COL23A1: variants seen among roughly 807,000 people sequenced by gnomAD.
COL23A1 encodes the protein collagen alpha-1(XXIII) chain.
Under a neutral mutation model 99.3 loss-of-function variants are expected in COL23A1, and 97 were observed. That is an observed-to-expected ratio of 0.98 (90% CI 0.83 to 1.16). The LOEUF (loss-of-function observed/expected upper bound fraction) is 1.16. Ranked by LOEUF, COL23A1 falls within the 50% of genes most tolerant of loss-of-function variation. COL23A1 has a pLI of 0.00. For synonymous variants in COL23A1, 320 were observed against 308.2 expected (o/e 1.04, Z -0.40); for missense variants, 762 against 757.4 (o/e 1.01, Z -0.07).
rs571288083 is a variant in COL23A1 at position 178,462,714 on chromosome 5, C to T, written c.361+97968G>A. On this transcript the variant is annotated intron_variant, in intron 2 of 28. Coordinates refer to ENST00000390654, the MANE Select transcript of COL23A1 (RefSeq NM_173465.4). ...ACAAAAACAAAAAAATCAAAACCTT[C>T]CGGGATTTAACAAATTTAACTACAA... is the stretch of plus-strand genomic sequence containing the variant. 9.2e-5 allele frequency among the ~76,000 whole-genome samples: 14 copies of T among 152,296 alleles called. 1 individual carries two copies. The South Asian group carries it at 2.9e-3, about 32-fold the overall frequency.
At chr5:178,540,863 G>T (rs982933580) in intron 2 of COL23A1, among the ~76,000 whole-genome samples, 2 of 152,184 alleles carry the variant, frequency 1.3e-5, no homozygotes, top group Non-Finnish European at 2.9e-5. Flanking sequence ...GGAGGTCCAG[G>T]CTCCAGCGGG....
intron 2 of COL23A1, among the ~76,000 whole-genome samples, chr5:178,482,803 G>A (rs1757411081): frequency 6.6e-6 from 1 of 152,200 alleles, no homozygotes; most frequent in Admixed American, 6.5e-5. Flanking sequence ...TCAGGAGGCT[G>A]AGGCAGGAGA....
At chr5:178,578,341 C>T (rs1224593164) in intron 1 of COL23A1, among the ~76,000 whole-genome samples, 1 of 152,214 alleles carries the variant, frequency 6.6e-6, no homozygotes, top group Non-Finnish European at 1.5e-5. Flanking sequence ...CGCTCACACA[C>T]ACTCGAGTCC....
At chr5:178,351,600 G>T (rs1405290230) in intron 2 of COL23A1, among the ~76,000 whole-genome samples, 2 of 152,192 alleles carry the variant, frequency 1.3e-5, no homozygotes, top group Non-Finnish European at 2.9e-5. Context: ...GAGTGTGGGG[G>T]AGACACGAGG....
At chr5:178,479,780 G>A (rs1038409595) in intron 2 of COL23A1, among the ~76,000 whole-genome samples, 10 of 152,188 alleles carry the variant, frequency 6.6e-5, no homozygotes, top group South Asian at 4.1e-4. Flanking sequence ...TAAGGCGTCC[G>A]AATTTGCTTT....
Position 178,308,075 on chromosome 5 carries a change from GTC to G in COL23A1, c.362-1158_362-1157del, listed in dbSNP as rs1758463555. ...TATGTGTGTTTGTGTGCATGTGTGT[GTC>G]TGTGTTTTTGTGTCTGTGTTTCTGT... is the stretch of plus-strand genomic sequence containing the variant. On this transcript the variant is annotated intron_variant, in intron 2 of 28. Transcript: ENST00000390654. The surrounding 1 kb of genome is among the most constrained non-coding windows in gnomAD (Gnocchi z 5.1). Among the ~76,000 whole-genome samples, 1 of 151,514 alleles carries G rather than the reference GTC, an allele frequency of 6.6e-6. No individual in the cohort carries two copies. Among genetic ancestry groups the G allele is most frequent in the African/African-American group, 2.4e-5 (1 of 40,860 alleles).
At position 178,532,903 on chromosome 5, in the gene COL23A1, C is replaced by T. The variant is rs1465298595; in HGVS notation, c.361+27779G>A. Among the ~76,000 whole-genome samples, 8 of 152,196 alleles carry T rather than the reference C, an allele frequency of 5.3e-5. No homozygotes were observed. In the East Asian group the frequency reaches 1.3e-3, roughly 26 times the overall value. On this transcript the variant is annotated intron_variant, in intron 2 of 28. Coordinates refer to ENST00000390654, the MANE Select transcript of COL23A1 (RefSeq NM_173465.4). ...GAGGCCTCGCCAGAACCCGACCACG[C>T]TGGCCCTGATCACAGACCCCCAGCC...
At chr5:178,360,337 T>C (rs2127701469) in intron 2 of COL23A1, among the ~76,000 whole-genome samples, 1 of 152,374 alleles carries the variant, frequency 6.6e-6, no homozygotes, top group Admixed American at 6.5e-5. Context: ...CGTTTCTTTA[T>C]TAGATTGCAA....
At chr5:178,383,248 C>T (rs6892209) in intron 2 of COL23A1, among the ~76,000 whole-genome samples, 3,207 of 152,286 alleles carry the variant, frequency 0.021, 94 homozygotes, top group African/African-American at 0.065. Flanking sequence ...ACTTTGAGAA[C>T]CATGTCCTAG....
rs1335141471 is a variant in COL23A1 at position 178,280,026 on chromosome 5, C to A, written c.441+8298G>T. On this transcript the variant is annotated intron_variant, in intron 5 of 28. Transcript: ENST00000390654. This position sits in a 1 kb window ranked among gnomAD's most constrained non-coding sequence, Gnocchi z 4.9. ...CCGTATCCCAAATGCCGAAGCGCCT[C>A]GTACATAACGAGAACACAGTAAATA... 6.6e-6 allele frequency among the ~76,000 whole-genome samples: 1 copy of A among 152,240 alleles called. No individual in the cohort carries two copies. Among genetic ancestry groups the A allele is most frequent in the Non-Finnish European group, 1.5e-5 (1 of 68,046 alleles).
intron 3 of COL23A1, among the ~76,000 whole-genome samples, chr5:178,292,132 C>T (rs55862729): frequency 2.0e-5 from 3 of 152,100 alleles, no homozygotes; most frequent in Admixed American, 6.6e-5. Flanking sequence ...CCCGTGCCTG[C>T]GCCTGCATCT....
chr5:178,354,990 G>A (rs2973801), intron 2 of COL23A1, among the ~76,000 whole-genome samples: 52,918 of 151,360 alleles, frequency 0.35, 9,341 homozygotes, highest in East Asian at 0.42. Flanking sequence ...ACCGGGAGGC[G>A]GAGGTTGCAG....
intron 2 of COL23A1, among the ~76,000 whole-genome samples, chr5:178,381,857 A>G (rs2973731): frequency 0.37 from 56,440 of 151,996 alleles, 10,993 homozygotes; most frequent in South Asian, 0.49. Flanking sequence ...ACTGTTCTTG[A>G]ACTGCTGAGC....
chr5:178,454,577 G>A (rs1158534001), intron 2 of COL23A1, among the ~76,000 whole-genome samples: 2 of 152,128 alleles, frequency 1.3e-5, no homozygotes, highest in Non-Finnish European at 2.9e-5. Flanking sequence ...CCTGTGAAAT[G>A]GGCATAATCA....
chr5:178,358,642 G>T (rs1260216685), intron 2 of COL23A1, among the ~76,000 whole-genome samples: 1 of 148,566 alleles, frequency 6.7e-6, no homozygotes, highest in Non-Finnish European at 1.5e-5. Context: ...TCTAGTGTGT[G>T]TGTGTATGTG....
chr5:178,353,078 T>C (rs887535954), intron 2 of COL23A1, among the ~76,000 whole-genome samples: 3 of 152,126 alleles, frequency 2.0e-5, no homozygotes, highest in Non-Finnish European at 2.9e-5. Flanking sequence ...CTTCCACATA[T>C]GCACAAAAGC....
Position 178,262,213 on chromosome 5 carries a change from T to C in COL23A1, c.675+4A>G, listed in dbSNP as rs1379886166. ...CAGGCCTCTGGAATGCCCTGGATAC[T>C]GACCATCTCGCCGTCTTGTCCGGGC... On this transcript the variant is annotated splice_donor_region_variant and intron_variant, in intron 10 of 28. Transcript: ENST00000390654. 6 of 1,582,170 alleles carry C rather than the reference T, an allele frequency of 3.8e-6. No individual in the cohort carries two copies. Among genetic ancestry groups the C allele is most frequent in the African/African-American group, 2.7e-5 (2 of 74,704 alleles).
At chr5:178,575,729 G>A (rs1194090858) in intron 1 of COL23A1, among the ~76,000 whole-genome samples, 5 of 152,206 alleles carry the variant, frequency 3.3e-5, no homozygotes, top group African/African-American at 9.7e-5. Context: ...AGCAGAAACA[G>A]AACGCAGGAC....
chr5:178,242,396 TGACAAAAGGATTA>T lies in COL23A1; in HGVS notation c.1441-15_1441-3del. 1 of 1,614,020 alleles carries T rather than the reference TGACAAAAGGATTA, an allele frequency of 6.2e-7. No individual in the cohort carries two copies. Among genetic ancestry groups the T allele is most frequent in the Non-Finnish European group, 8.5e-7 (1 of 1,179,978 alleles). On this transcript the variant is annotated splice_region_variant and splice_polypyrimidine_tract_variant and intron_variant, in intron 25 of 28. Coordinates refer to ENST00000390654, the MANE Select transcript of COL23A1 (RefSeq NM_173465.4). ...CTCTCCTCGGGGTCCAGGGAAACCC[TGACAAAAGGATTA>T]GATGCTAAACCCGAAAATGAGGCTG...
Sources: gnomAD v4.1 joint callset for allele counts (sites outside exome capture counted in the v4.1 genomes callset) on GRCh38, gnomAD v4.1.1 for gene constraint, Gnocchi (gnomAD v3.1) non-coding constraint, MANE v1.5 for transcripts, NCBI Gene and HGNC (gene_info 2026-07-23, HGNC 2026-07-21) for gene names.